The following TTLL7 variants were observed in gnomAD, a reference collection of about 807,000 sequenced individuals.
The protein encoded by TTLL7 is tubulin polyglutamylase TTLL7.
Under a neutral mutation model 120.2 loss-of-function variants are expected in TTLL7, and 53 were observed. The observed-to-expected ratio is 0.44, with a 90% CI of 0.35 to 0.55. The LOEUF (loss-of-function observed/expected upper bound fraction) is 0.55. Ranked by LOEUF, TTLL7 falls within the 20% of genes least tolerant of loss-of-function variation. The pLI, the probability that TTLL7 is intolerant of heterozygous loss-of-function variation, is 0.00. For synonymous variants in TTLL7, 353 were observed against 351.7 expected (o/e 1.00, Z -0.04); for missense variants, 803 against 1,054.7 (o/e 0.76, Z 3.31).
intron 1 of TTLL7, among the ~76,000 whole-genome samples, chr1:83,998,204 C>T (rs1271979397): frequency 6.6e-6 from 1 of 152,194 alleles, no homozygotes; most frequent in Non-Finnish European, 1.5e-5. Context: ...AACTTCCCTG[C>T]TCCTCAGTTT....
chr1:83,952,689 T>G (rs1649167952), intron 1 of TTLL7, among the ~76,000 whole-genome samples: 1 of 152,178 alleles, frequency 6.6e-6, no homozygotes, highest in Non-Finnish European at 1.5e-5. Context: ...TATTGAACAC[T>G]TATTATCTTA....
intron 1 of TTLL7, among the ~76,000 whole-genome samples, chr1:83,996,823 T>TA (rs1208971077): frequency 6.6e-6 from 1 of 152,118 alleles, no homozygotes; most frequent in Non-Finnish European, 1.5e-5. Flanking sequence ...GTCTCTGTTT[T>TA]AAAATGTTGC....
rs1483452719 is a variant in TTLL7, at chr1:83,933,679, C to T, written c.976G>A (p.Glu326Lys). Residue 326 changes from glutamate to lysine, a missense_variant, in exon 9 of 21, where the codon GAA (glutamate) becomes AAA (lysine). Physicochemically the swap from Glu to Lys is moderately conservative, Grantham distance 56 (BLOSUM62 1). Around this residue, in one of 3 missense-constraint regions of TTLL7, gnomAD observed 324 missense variants for 507.7 expected, o/e 0.64. Transcript: ENST00000260505. ...MCRPGQPPGS[E>K]SVCFEVLGFD... ...CCCAGGACTTCAAAGCAGACACTTT[C>T]GCTTCCTGGAGGTTGACCAGGTCTA... is the stretch of plus-strand genomic sequence containing the variant. 3 of 1,613,766 alleles carry T rather than the reference C, an allele frequency of 1.9e-6. No individual in the cohort carries two copies. The highest frequency in any genetic ancestry group is 2.2e-5 in the East Asian group (1 of 44,868).
chr1:83,875,969 T>G (rs1232432771), intron 20 of TTLL7, among the ~76,000 whole-genome samples: 2 of 151,930 alleles, frequency 1.3e-5, no homozygotes, highest in Non-Finnish European at 2.9e-5. Flanking sequence ...TTAAAATTTT[T>G]TGGTTCTATT....
intron 14 of TTLL7, among the ~76,000 whole-genome samples, chr1:83,914,275 T>C (rs1442959462): frequency 6.6e-6 from 1 of 151,256 alleles, no homozygotes; most frequent in African/African-American, 2.4e-5. Flanking sequence ...TCCATATCTT[T>C]GCCTTTAATG....
At chr1:83,926,607 C>T (rs1417028614) in intron 10 of TTLL7, among the ~76,000 whole-genome samples, 1 of 152,086 alleles carries the variant, frequency 6.6e-6, no homozygotes, top group African/African-American at 2.4e-5. Context: ...AAGGAATGCT[C>T]AAAGTTAAGT....
intron 18 of TTLL7, among the ~76,000 whole-genome samples, chr1:83,892,226 G>A (rs1403596372): frequency 2.9e-5 from 4 of 139,316 alleles, no homozygotes; most frequent in South Asian, 2.2e-4. Context: ...GAATATATAT[G>A]TGTATATATA....
chr1:83,949,789 G>T, intron 4 of TTLL7, 76 bp downstream of exon 4: 1 of 1,519,266 alleles, frequency 6.6e-7, no homozygotes, highest in South Asian at 1.2e-5. Context: ...AACATATTAA[G>T]AACCTATCTA....
intron 15 of TTLL7, among the ~76,000 whole-genome samples, chr1:83,909,619 T>C (rs1657513170): frequency 6.6e-6 from 1 of 152,050 alleles, no homozygotes; most frequent in African/African-American, 2.4e-5. Context: ...AAAAAAGACA[T>C]GTAATTAAAT....
In TTLL7 at chr1:83,918,539, G is replaced by A. The variant is rs185430827; in HGVS notation, c.1501-849C>T. 2.0e-3 allele frequency among the ~76,000 whole-genome samples: 300 copies of A among 152,196 alleles called. 1 individual carries two copies. The highest frequency in any genetic ancestry group is 0.01 in the Middle Eastern group (3 of 294). The stretch of plus-strand genomic sequence containing the variant: ...CCCAATCTAAGGAAATTTAGCTATT[G>A]AAATCCCAAAATACTCTTATTATAC... On this transcript the variant is annotated intron_variant, in intron 13 of 20. Transcript: ENST00000260505.
At chr1:83,977,004 A>G (rs1651552580) in intron 1 of TTLL7, among the ~76,000 whole-genome samples, 1 of 151,936 alleles carries the variant, frequency 6.6e-6, no homozygotes, top group Non-Finnish European at 1.5e-5. Context: ...TGTCTTTCCC[A>G]TTTCTTAATT....
chr1:83,896,647 C>G (rs564021402), intron 18 of TTLL7, among the ~76,000 whole-genome samples: 1 of 152,126 alleles, frequency 6.6e-6, no homozygotes, highest in African/African-American at 2.4e-5. Context: ...ATAGTATCAT[C>G]AAAATGCATG....
intron 15 of TTLL7, among the ~76,000 whole-genome samples, chr1:83,910,197 G>A (rs560637528): frequency 9.9e-5 from 15 of 152,046 alleles, no homozygotes; most frequent in Non-Finnish European, 1.5e-4. Flanking sequence ...GCATTTTGCC[G>A]TAAGTGTTTA....
rs11801787 is a variant in TTLL7 at position 83,871,822 on chromosome 1, G to A, written c.2544-1740C>T. Among the ~76,000 whole-genome samples, 919 of 151,104 alleles carry A rather than the reference G, an allele frequency of 6.1e-3. 8 individuals are homozygous for A. The highest frequency in any genetic ancestry group is 0.02 in the African/African-American group (833 of 41,112). ...TGAGGCAGGAGAATGGCATGAACCC[G>A]GGAGGCAGAGCTTGCAGTGAGCCGA... On this transcript the variant is annotated intron_variant, in intron 20 of 20. Transcript: ENST00000260505.
intron 4 of TTLL7, chr1:83,949,256 A>G (rs1426042366): frequency 6.6e-6 from 1 of 152,072 alleles, no homozygotes; most frequent in East Asian, 1.9e-4. Context: ...TGGTCTCCCT[A>G]TGCAATCTAC....
chr1:83,879,638 C>G (rs896596836), intron 20 of TTLL7, among the ~76,000 whole-genome samples: 2 of 151,990 alleles, frequency 1.3e-5, no homozygotes, highest in African/African-American at 4.8e-5. Flanking sequence ...TAACTTTTAT[C>G]AGCAATAGCA....
At chr1:83,872,916 G>T (rs997392082) in intron 20 of TTLL7, among the ~76,000 whole-genome samples, 1 of 152,074 alleles carries the variant, frequency 6.6e-6, no homozygotes, top group African/African-American at 2.4e-5. Context: ...CTTGCTCAGG[G>T]TCTCCTACCT....
chr1:83,916,650 A>T (rs930484857), intron 14 of TTLL7, among the ~76,000 whole-genome samples: 1 of 152,246 alleles, frequency 6.6e-6, no homozygotes, highest in Non-Finnish European at 1.5e-5. Flanking sequence ...TTTTAAAAAA[A>T]AGAAAATATG....
chr1:83,903,526 G>C (rs1656912683), intron 18 of TTLL7, among the ~76,000 whole-genome samples: 1 of 151,940 alleles, frequency 6.6e-6, no homozygotes, highest in African/African-American at 2.4e-5. Context: ...GGATGCTCAA[G>C]TCCATGATAT....
Sources: allele counts gnomAD v4.1 joint callset (sites outside exome capture counted in the v4.1 genomes callset), GRCh38; gene constraint gnomAD v4.1.1; regional missense constraint gnomAD v4.1.1; transcripts MANE v1.5; gene names NCBI Gene and HGNC (gene_info 2026-07-23, HGNC 2026-07-21).